NRAP: variants seen among roughly 807,000 people sequenced by gnomAD.
NRAP encodes the protein nebulin-related-anchoring protein.
NRAP carries 189 observed loss-of-function variants against 225.9 expected under a neutral mutation model. That is an observed-to-expected ratio of 0.84 (90% CI 0.74 to 0.94). NRAP has a LOEUF of 0.94. Among genes scored for constraint, NRAP ranks in the 40% least tolerant of loss-of-function variants. The pLI is 0.00. For synonymous variants in NRAP, 769 were observed against 790.7 expected, an observed-to-expected ratio of 0.97 and a Z score of 0.46; for missense variants, 2,176 against 2,168.7, an observed-to-expected ratio of 1.00 and a Z score of -0.07.
Position 113,595,734 on chromosome 10 carries a change from A to T in NRAP, c.4432-7T>A. ...CTCCAGATCTATACATGCGCTGTAG[A>T]TAAGATGGGCTCATGGTAAATAGAG... On this transcript the variant is annotated splice_region_variant and splice_polypyrimidine_tract_variant and intron_variant, in intron 37 of 41. Coordinates refer to ENST00000359988, the MANE Select transcript of NRAP (RefSeq NM_198060.4). The T allele has an allele frequency of 6.3e-7, 1 of 1,574,870 alleles. No homozygotes were observed. Among genetic ancestry groups the T allele is most frequent in the Non-Finnish European group, 8.7e-7 (1 of 1,144,402 alleles).
At position 113,631,558 on chromosome 10, in the gene NRAP, G is replaced by T. The variant is rs1848581927; in HGVS notation, c.1793C>A (p.Ala598Asp). The T allele has an allele frequency of 1.9e-6, 3 of 1,613,168 alleles. No homozygotes were observed. Among genetic ancestry groups the T allele is most frequent in the African/African-American group, 1.3e-5 (1 of 74,856 alleles). The change falls in exon 18 of 42, where the codon GCC becomes GAC. Residue 598 changes from alanine to aspartate, a missense_variant. Physicochemically the swap from Ala to Asp is moderately radical, Grantham distance 126 (BLOSUM62 -2). Transcript: ENST00000359988. ...CAGGGAGTGCAGAAGCCTAGAGTCG[G>T]CTGTTCCCATGGCTTTGCCTTTTGT... Reference protein sequence around the residue: ...EKTKGKAMGTADSRLLHSLQI... With the variant: ...EKTKGKAMGTDDSRLLHSLQI...
chr10:113,656,414 C>T (rs561206345), intron 4 of NRAP, among the ~76,000 whole-genome samples: 16 of 152,250 alleles, frequency 1.1e-4, no homozygotes, highest in African/African-American at 3.9e-4. Flanking sequence ...TAAAAGCAAG[C>T]TGTACTCTGA....
At position 113,619,226 on chromosome 10, in the gene NRAP, T is replaced by C. The variant is rs111869536; in HGVS notation, c.2874+1378A>G. On this transcript the variant is annotated intron_variant, in intron 25 of 41. Transcript: ENST00000359988. ...ACACGAAGGAAATCACCCTGAAGTC[T>C]AAATTATGCAAATATGGTCTTTAGT... Among the ~76,000 whole-genome samples, 129 of 152,314 alleles carry C rather than the reference T, an allele frequency of 8.5e-4. 1 individual carries two copies. The highest frequency in any genetic ancestry group is 3.0e-3 in the African/African-American group (124 of 41,580).
intron 35 of NRAP, among the ~76,000 whole-genome samples, chr10:113,599,657 C>T (rs1846482663): frequency 6.6e-6 from 1 of 152,188 alleles, no homozygotes; most frequent in East Asian, 1.9e-4. Context: ...TATCTCAGCT[C>T]CCAGCCCAGC....
intron 35 of NRAP, among the ~76,000 whole-genome samples, chr10:113,601,408 A>C (rs1226679563): frequency 6.6e-6 from 1 of 152,200 alleles, no homozygotes; most frequent in African/African-American, 2.4e-5. Context: ...GAGTTTTGAT[A>C]ATGGCTGCTA....
chr10:113,662,829 T>C (rs1032016836), intron 2 of NRAP, 63 bp from the exon 3 acceptor site: 3 of 712,100 alleles, frequency 4.2e-6, no homozygotes, highest in Non-Finnish European at 7.0e-6. Flanking sequence ...TGAGGGACTA[T>C]TCTTAAAATT....
chr10:113,622,127 T>G lies in NRAP; in HGVS notation c.2511A>C (p.Lys837Asn). The change falls in exon 24 of 42, where the codon AAA becomes AAC. Residue 837 changes from lysine to asparagine, a missense_variant. By Grantham distance (94) the Lys-to-Asn change is moderately conservative. Coordinates refer to ENST00000359988, the MANE Select transcript of NRAP (RefSeq NM_198060.4). ...ERSRGKLIGAKDVQGDSQMSH... is the reference protein window; with the variant it reads ...ERSRGKLIGANDVQGDSQMSH... ...TCATTTGCGAATCTCCCTGTACATC[T>G]TTTGCCCCAATGAGCTTCCCTCTGG... 1 of 1,613,956 alleles carries G rather than the reference T, an allele frequency of 6.2e-7. No homozygotes were observed. Among genetic ancestry groups the G allele is most frequent in the Admixed American group, 1.7e-5 (1 of 60,026 alleles).
At position 113,653,056 on chromosome 10, in the gene NRAP, A is replaced by C. The variant is rs574101079; in HGVS notation, c.466-17T>G. 2 of 1,423,356 alleles carry C rather than the reference A, an allele frequency of 1.4e-6. No homozygotes were observed. The highest frequency in any genetic ancestry group is 1.9e-6 in the Non-Finnish European group (2 of 1,030,028). The allele number at this position is 1,423,356 out of a possible 1,614,324, so 88.2% of individuals were successfully genotyped here. A position where few individuals can be genotyped will look rare whatever the true frequency, so the allele number is the denominator to read the frequency against. On this transcript the variant is annotated splice_polypyrimidine_tract_variant and intron_variant, in intron 5 of 41. Transcript: ENST00000359988. Reference sequence around the variant, plus strand: ...TGTATATTCCTGTTGGTCAGAACCAATGTCAGCATGAGAACTGAGATGATA... The same window carrying C: ...TGTATATTCCTGTTGGTCAGAACCACTGTCAGCATGAGAACTGAGATGATA...
At chr10:113,643,358 C>T (rs763374207) in intron 11 of NRAP, among the ~76,000 whole-genome samples, 7 of 152,124 alleles carry the variant, frequency 4.6e-5, no homozygotes, top group Non-Finnish European at 7.4e-5. Flanking sequence ...AAATGCATTA[C>T]GGGGATAAAT....
chr10:113,620,352 A>G (rs1337269984), intron 25 of NRAP, among the ~76,000 whole-genome samples: 1 of 152,024 alleles, frequency 6.6e-6, no homozygotes, highest in Non-Finnish European at 1.5e-5. Flanking sequence ...GTGGGTAGCA[A>G]TTGAGCTCTG....
intron 15 of NRAP, among the ~76,000 whole-genome samples, chr10:113,633,627 C>T (rs11592114): frequency 0.1 from 15,366 of 152,084 alleles, 999 homozygotes; most frequent in Non-Finnish European, 0.14. Flanking sequence ...CGGCATCATC[C>T]GAGAAGCAGT....
chr10:113,641,622 C>A, intron 12 of NRAP, 150 bp from the exon 13 acceptor site: 1 of 565,738 alleles, frequency 1.8e-6, no homozygotes, highest in Non-Finnish European at 3.1e-6. Context: ...AAAAATAAGG[C>A]AAACTTTTTT....
intron 9 of NRAP, among the ~76,000 whole-genome samples, chr10:113,647,301 C>A (rs1849576016): frequency 6.6e-6 from 1 of 152,084 alleles, no homozygotes; most frequent in Admixed American, 6.5e-5. Flanking sequence ...AGACACTCTA[C>A]CACTCTCCCA....
At chr10:113,653,089 A>G (rs1310346258) in intron 5 of NRAP, 50 bp from the exon 6 acceptor site, 8 of 1,026,516 alleles carry the variant, frequency 7.8e-6, no homozygotes, top group Non-Finnish European at 8.7e-6. Context: ...ATATTGAATG[A>G]CAACTAAGAA....
At chr10:113,621,667 T>C (rs939797710) in intron 24 of NRAP, among the ~76,000 whole-genome samples, 2 of 152,218 alleles carry the variant, frequency 1.3e-5, no homozygotes, top group Non-Finnish European at 2.9e-5. Flanking sequence ...ATTTCTTCTG[T>C]GTGTTAGTAC....
At chr10:113,648,990 T>C (rs566934903) in intron 9 of NRAP, among the ~76,000 whole-genome samples, 1 of 152,328 alleles carries the variant, frequency 6.6e-6, no homozygotes, top group South Asian at 2.1e-4. Context: ...TTTAAGCTGA[T>C]TTTTAAAAGT....
intron 24 of NRAP, 97 bp from the exon 25 acceptor site, chr10:113,620,805 G>T: frequency 1.2e-6 from 1 of 830,416 alleles, no homozygotes; most frequent in Non-Finnish European, 2.0e-6. Context: ...CTTGGTGCCA[G>T]CTGAGTCAAA....
At chr10:113,616,025 A>C (rs113310774) in intron 26 of NRAP, among the ~76,000 whole-genome samples, 72 of 152,324 alleles carry the variant, frequency 4.7e-4, no homozygotes, top group African/African-American at 1.6e-3. Context: ...GAACATGACA[A>C]GCTGAAGCAT....
chr10:113,642,614 C>T (rs964130125), intron 12 of NRAP, among the ~76,000 whole-genome samples: 6 of 152,124 alleles, frequency 3.9e-5, no homozygotes, highest in East Asian at 3.9e-4. Flanking sequence ...TGAGAGGGGA[C>T]GTCACATGCT....
Sources: allele counts gnomAD v4.1 joint callset (sites outside exome capture counted in the v4.1 genomes callset), GRCh38; gene constraint gnomAD v4.1.1; transcripts MANE v1.5; gene names NCBI Gene and HGNC (gene_info 2026-07-23, HGNC 2026-07-21).